LONRF1: variants seen among roughly 807,000 people sequenced by gnomAD.
LONRF1 encodes LON peptidase N-terminal domain and ring finger 1, also known as LON peptidase N-terminal domain and RING finger protein 1.
Under a neutral mutation model 85.8 loss-of-function variants are expected in LONRF1, and 37 were observed. The observed-to-expected ratio is 0.43, with a 90% CI of 0.33 to 0.57. The LOEUF (loss-of-function observed/expected upper bound fraction) is 0.57, where lower values mean the gene tolerates loss of function less well. LONRF1 is among the 20% of genes least tolerant of loss of function. The pLI is 0.04. For missense variants in LONRF1, 1,036 were observed against 978.0 expected (o/e 1.06, Z -0.79); for synonymous variants, 517 against 390.1 (o/e 1.33, Z -3.83).
rs1463096419 is a variant in LONRF1 at position 12,731,743 on chromosome 8, G to T, written c.1681C>A (p.Leu561Ile). ...TTATGAGAAGAAACTTACTGTGAGA[G>T]TTCAGCAGTTTCTTCATCATATATT... is the stretch of plus-strand genomic sequence containing the variant. ...KKIYDEETAELSHLTKNVPIF... is the reference protein window; with the variant it reads ...KKIYDEETAEISHLTKNVPIF... Residue 561 changes from leucine to isoleucine, a missense_variant, in exon 8 of 12, where the codon CTC becomes ATC. By Grantham distance (5) the Leu-to-Ile change is conservative. Around this residue, in one of 3 missense-constraint regions of LONRF1, gnomAD observed 265 missense variants for 301.5 expected, o/e 0.88. Coordinates refer to ENST00000398246, the MANE Select transcript of LONRF1 (RefSeq NM_152271.5). 6.2e-6 allele frequency: 10 copies of T among 1,611,242 alleles called. No homozygotes were observed. Among genetic ancestry groups the T allele is most frequent in the Non-Finnish European group, 8.5e-6 (10 of 1,178,684 alleles).
chr8:12,724,671 A>G (rs1386106662), intron 11 of LONRF1, among the ~76,000 whole-genome samples: 1 of 152,220 alleles, frequency 6.6e-6, no homozygotes, highest in Non-Finnish European at 1.5e-5. Flanking sequence ...GTGATGGAAA[A>G]GTTATGCTGA....
Position 12,731,847 on chromosome 8 carries a change from T to C in LONRF1, c.1577A>G (p.Asp526Gly). The change falls in exon 8 of 12, where the codon GAT becomes GGT. Residue 526 changes from aspartate (D) to glycine (G), a missense_variant. Around this residue, in one of 3 missense-constraint regions of LONRF1, gnomAD observed 265 missense variants for 301.5 expected, o/e 0.88. Coordinates refer to ENST00000398246, the MANE Select transcript of LONRF1 (RefSeq NM_152271.5). ...CAGCTGTGTGACACAGTACCTCCTA[T>C]CTGCTAGATACTAAAAGACAATATT... ...CKESLKEYLA[D>G]RRYCVTQLLE... The C allele has an allele frequency of 1.9e-6, 3 of 1,611,496 alleles. No individual in the cohort carries two copies. The highest frequency in any genetic ancestry group is 8.5e-7 in the Non-Finnish European group (1 of 1,178,734).
intron 3 of LONRF1, among the ~76,000 whole-genome samples, chr8:12,739,262 A>T (rs1053013391): frequency 4.0e-5 from 6 of 151,784 alleles, no homozygotes; most frequent in Non-Finnish European, 8.8e-5. Context: ...TGAAAACCAC[A>T]AATTCCATTA....
At chr8:12,742,515 T>C (rs1430620494) in intron 2 of LONRF1, among the ~76,000 whole-genome samples, 1 of 152,210 alleles carries the variant, frequency 6.6e-6, no homozygotes, top group Non-Finnish European at 1.5e-5. Context: ...TCAAAAAGTT[T>C]CCAACTTTAA....
Position 12,722,866 on chromosome 8 carries a change from T to C in LONRF1, c.*230A>G, listed in dbSNP as rs1055524967. 20 of 437,000 alleles carry C rather than the reference T, an allele frequency of 4.6e-5. No homozygotes were observed. In the South Asian group the frequency reaches 6.0e-4, roughly 13 times the overall value. The allele number at this position is 437,000 out of a possible 1,614,324, so 27.1% of individuals were successfully genotyped here. On this transcript the variant is annotated 3_prime_UTR_variant, in exon 12 of 12. Transcript: ENST00000398246. ...TATGGTACATAGTGCAACTTCACAA[T>C]GTAGAGGTTCGACACACATTCAATG...
intron 1 of LONRF1, chr8:12,754,096 G>A (rs1799526287): frequency 6.6e-6 from 1 of 151,976 alleles, no homozygotes; most frequent in South Asian, 2.1e-4. Context: ...CCCGCGCGGA[G>A]CTCCCGCCAC....
chr8:12,735,205 C>A, intron 7 of LONRF1, 81 bp downstream of exon 7: 1 of 862,268 alleles, frequency 1.2e-6, no homozygotes. Context: ...ACGTGATCAT[C>A]ACTATTTCTA....
chr8:12,737,288 G>T (rs2117276249), intron 4 of LONRF1, 148 bp from the exon 5 acceptor site: 2 of 994,562 alleles, frequency 2.0e-6, no homozygotes, highest in Non-Finnish European at 3.1e-6. Context: ...CCAACACTGT[G>T]ACAAGTAAAT....
At chr8:12,750,941 G>A (rs1489696663) in intron 1 of LONRF1, among the ~76,000 whole-genome samples, 1 of 152,154 alleles carries the variant, frequency 6.6e-6, no homozygotes, top group Non-Finnish European at 1.5e-5. Context: ...CTCTGTGTCA[G>A]GCACTATTTA....
At chr8:12,752,913 A>G (rs1410833399) in intron 1 of LONRF1, 1 of 152,230 alleles carries the variant, frequency 6.6e-6, no homozygotes, top group Non-Finnish European at 1.5e-5. Flanking sequence ...TGAACCCTAG[A>G]CCAACGTTTA....
chr8:12,728,814 A>C, intron 10 of LONRF1, 87 bp downstream of exon 10: 3 of 1,462,820 alleles, frequency 2.1e-6, no homozygotes, highest in East Asian at 2.3e-5. Flanking sequence ...GAACTGGTTC[A>C]TGCACCTAGA....
At chr8:12,725,584 A>T in intron 11 of LONRF1, 143 bp downstream of exon 11, 2 of 730,452 alleles carry the variant, frequency 2.7e-6, no homozygotes, top group Middle Eastern at 2.6e-4. Flanking sequence ...TCATGATTGC[A>T]AAGATGAGGT....
chr8:12,725,898 G>T lies in LONRF1; in HGVS notation c.2011-19C>A. 6.3e-7 allele frequency: 1 copy of T among 1,596,140 alleles called. No individual in the cohort carries two copies. Among genetic ancestry groups the T allele is most frequent in the Non-Finnish European group, 8.5e-7 (1 of 1,169,630 alleles). ...TCTCAACCTAGAAATACAATAGTCA[G>T]TAAGACTTCTGTGTCTAATCCCCCG... On this transcript the variant is annotated intron_variant, in intron 10 of 11. Transcript: ENST00000398246.
intron 7 of LONRF1, among the ~76,000 whole-genome samples, chr8:12,734,195 C>T (rs1373038378): frequency 6.6e-6 from 1 of 152,098 alleles, no homozygotes; most frequent in East Asian, 1.9e-4. Context: ...CTAACAAACT[C>T]TTTTAAGAAT....
intron 10 of LONRF1, 176 bp from the exon 11 acceptor site, chr8:12,726,055 C>T: frequency 1.9e-6 from 1 of 535,510 alleles, no homozygotes. Flanking sequence ...TCATATAGGG[C>T]TGACCAGACT....
At chr8:12,754,055 G>A (rs1309870278) in intron 1 of LONRF1, 1 of 152,226 alleles carries the variant, frequency 6.6e-6, no homozygotes, top group Admixed American at 6.5e-5. Context: ...CCCCAAGCCC[G>A]GCGGCCTGCA....
At chr8:12,754,626 A>G (rs1436101970) in intron 1 of LONRF1, 74 bp downstream of exon 1, 2 of 1,244,112 alleles carry the variant, frequency 1.6e-6, no homozygotes, top group Non-Finnish European at 2.0e-6. Context: ...GGGCGCAGAC[A>G]AGCTCCGGGT....
intron 3 of LONRF1, chr8:12,738,826 G>A (rs1338541403): frequency 6.6e-6 from 1 of 152,072 alleles, no homozygotes; most frequent in Admixed American, 6.6e-5. Context: ...GAAATGAAAG[G>A]GATTCTGATA....
chr8:12,729,430 T>C (rs1798443988), intron 8 of LONRF1, 98 bp from the exon 9 acceptor site: 3 of 1,203,694 alleles, frequency 2.5e-6, no homozygotes, highest in African/African-American at 3.1e-5. Flanking sequence ...AATGAACTAA[T>C]GTAAAGCAAA....
Sources: gnomAD v4.1 joint callset for allele counts (sites outside exome capture counted in the v4.1 genomes callset) on GRCh38, gnomAD v4.1.1 for gene constraint, gnomAD v4.1.1 regional missense constraint, MANE v1.5 for transcripts, NCBI Gene and HGNC (gene_info 2026-07-23, HGNC 2026-07-21) for gene names.